RANBP3: variants seen among roughly 807,000 people sequenced by gnomAD.
The protein encoded by RANBP3 is ran-binding protein 3.
RANBP3 carries 14 observed loss-of-function variants against 77.3 expected under a neutral mutation model. The observed-to-expected ratio is 0.18, with a 90% CI of 0.12 to 0.28. The LOEUF (loss-of-function observed/expected upper bound fraction) is 0.28, where lower values mean the gene tolerates loss of function less well. RANBP3 is among the 10% of genes least tolerant of loss of function. The probability of loss-of-function intolerance (pLI) is 1.00; values close to 1 mark genes in which losing one functional copy is unlikely to be tolerated. For missense variants in RANBP3, 586 were observed against 752.3 expected (o/e 0.78, Z 2.59); for synonymous variants, 315 against 312.4 (o/e 1.01, Z -0.09).
chr19:5,945,038 G>C (rs572203322), intron 3 of RANBP3, among the ~76,000 whole-genome samples: 1 of 152,182 alleles, frequency 6.6e-6, no homozygotes, highest in African/African-American at 2.4e-5. Flanking sequence ...GAACCCCTTG[G>C]TGAGGTGACC....
chr19:5,950,159 G>A (rs759281984), intron 3 of RANBP3, among the ~76,000 whole-genome samples: 4 of 152,174 alleles, frequency 2.6e-5, no homozygotes, highest in East Asian at 1.9e-4. Flanking sequence ...AAAGAAGGAC[G>A]CAGCCACCTC....
At chr19:5,933,583 G>A (rs770710676) in intron 5 of RANBP3, 104 bp from the exon 6 acceptor site, 46 of 813,114 alleles carry the variant, frequency 5.7e-5, no homozygotes, top group Middle Eastern at 5.5e-4. Context: ...CAGTGACTTC[G>A]GGCCTGGAGA....
chr19:5,924,744 G>T lies in RANBP3; in HGVS notation c.996+83C>A. On this transcript the variant is annotated intron_variant, in intron 11 of 16. Coordinates refer to ENST00000340578, the MANE Select transcript of RANBP3 (RefSeq NM_007322.3). The surrounding 1 kb of genome is among the most constrained non-coding windows in gnomAD (Gnocchi z 4.7). ...CCATCTCACATAGGACGACACAGCA[G>T]CCCTGCTCTCCATGTCCCCTTGACC... is the stretch of plus-strand genomic sequence containing the variant. 2 of 1,358,758 alleles carry T rather than the reference G, an allele frequency of 1.5e-6. No individual in the cohort carries two copies. Among genetic ancestry groups the T allele is most frequent in the Non-Finnish European group, 1.1e-6 (1 of 949,984 alleles). The allele number at this position is 1,358,758 out of a possible 1,614,324, so 84.2% of individuals were successfully genotyped here.
intron 5 of RANBP3, among the ~76,000 whole-genome samples, chr19:5,938,629 T>C (rs902515839): frequency 3.3e-5 from 5 of 151,958 alleles, no homozygotes; most frequent in Non-Finnish European, 5.9e-5. Context: ...GAGGCAGAGG[T>C]TGCAGTGAGC....
chr19:5,943,131 A>G (rs2145147428), intron 3 of RANBP3, among the ~76,000 whole-genome samples: 1 of 152,324 alleles, frequency 6.6e-6, no homozygotes, highest in African/African-American at 2.4e-5. Context: ...CGCACCGATG[A>G]GTGAGGGCCG....
intron 1 of RANBP3, among the ~76,000 whole-genome samples, chr19:5,974,144 C>T (rs2058561307): frequency 6.6e-6 from 1 of 152,140 alleles, no homozygotes; most frequent in Admixed American, 6.5e-5. Context: ...AAGGATGCTA[C>T]CGTGCTGCTA....
intron 9 of RANBP3, among the ~76,000 whole-genome samples, chr19:5,926,283 G>A (rs566618455): frequency 1.4e-4 from 21 of 152,186 alleles, no homozygotes; most frequent in Admixed American, 6.5e-4. Flanking sequence ...GCGGTGGCTC[G>A]TGCCTGTAAT....
At chr19:5,966,222 T>C (rs1041180071) in intron 1 of RANBP3, among the ~76,000 whole-genome samples, 3 of 152,190 alleles carry the variant, frequency 2.0e-5, no homozygotes, top group East Asian at 1.9e-4. Context: ...TAAGCACCTA[T>C]GGAGGAGCAC....
chr19:5,937,552 A>T (rs2058082758), intron 5 of RANBP3, among the ~76,000 whole-genome samples: 1 of 152,210 alleles, frequency 6.6e-6, no homozygotes, highest in Admixed American at 6.5e-5. Flanking sequence ...AGCTGACTGG[A>T]GAAAGCTAAA....
At chr19:5,935,909 G>A (rs750191869) in intron 5 of RANBP3, 3 of 432,426 alleles carry the variant, frequency 6.9e-6, no homozygotes, top group Middle Eastern at 3.4e-4. Flanking sequence ...ATACCCAAAG[G>A]GTGTGGGCCT....
chr19:5,919,170 C>A (rs1019163130), intron 14 of RANBP3, among the ~76,000 whole-genome samples: 1 of 152,228 alleles, frequency 6.6e-6, no homozygotes, highest in Non-Finnish European at 1.5e-5. Context: ...AGGACCGCAG[C>A]TTAGCGCTTC....
chr19:5,967,168 G>A (rs778396976), intron 1 of RANBP3, among the ~76,000 whole-genome samples: 13 of 152,172 alleles, frequency 8.5e-5, no homozygotes, highest in Non-Finnish European at 1.8e-4. Flanking sequence ...TAGCATGCTC[G>A]GGTTCTCCAG....
chr19:5,957,829 C>T lies in RANBP3; in HGVS notation c.78+89G>A, dbSNP rs1599779484. On this transcript the variant is annotated intron_variant, in intron 2 of 16. Coordinates refer to ENST00000340578, the MANE Select transcript of RANBP3 (RefSeq NM_007322.3). Reference sequence around the variant, plus strand: ...CTCCCCGTCTGTGGGCAGAAGTGGCCTTGGCAATGCGACCTGGAAAAGAGA... The same window carrying T: ...CTCCCCGTCTGTGGGCAGAAGTGGCTTTGGCAATGCGACCTGGAAAAGAGA... 6.9e-6 allele frequency: 10 copies of T among 1,447,868 alleles called. No homozygotes were observed. The South Asian group carries it at 8.1e-5, about 12-fold the overall frequency. 89.7% of individuals were successfully genotyped at this position (1,447,868 alleles called of 1,614,324 possible).
chr19:5,926,465 C>T (rs867090253), intron 9 of RANBP3, among the ~76,000 whole-genome samples: 4 of 152,188 alleles, frequency 2.6e-5, no homozygotes, highest in African/African-American at 4.8e-5. Flanking sequence ...GCAGGAGAAT[C>T]GCTTGAACCC....
At chr19:5,976,410 T>C (rs993635551) in intron 1 of RANBP3, 1 of 151,998 alleles carries the variant, frequency 6.6e-6, no homozygotes, top group African/African-American at 2.4e-5. Flanking sequence ...ATCTCATGAG[T>C]TGGAATGCTG....
chr19:5,941,576 G>C (rs964537072), intron 5 of RANBP3, 45 bp downstream of exon 5: 1 of 1,519,594 alleles, frequency 6.6e-7, no homozygotes, highest in African/African-American at 1.4e-5. Flanking sequence ...TGGCGGGTTT[G>C]TAAGCATAAA....
Position 5,921,154 on chromosome 19 carries a change from C to A in RANBP3, c.1330+47G>T. 1 of 1,585,762 alleles carries A rather than the reference C, an allele frequency of 6.3e-7. No homozygotes were observed. The highest frequency in any genetic ancestry group is 8.6e-7 in the Non-Finnish European group (1 of 1,167,470). On this transcript the variant is annotated intron_variant, in intron 14 of 16. Coordinates refer to ENST00000340578, the MANE Select transcript of RANBP3 (RefSeq NM_007322.3). The surrounding 1 kb of genome is among the most constrained non-coding windows in gnomAD (Gnocchi z 5.3). ...CCCTTTGGAATTGCATAGTCCCCAGCCCTCCCCATGGGGACCCGGCCACAG... is the reference window on the plus strand; with the variant it reads ...CCCTTTGGAATTGCATAGTCCCCAGACCTCCCCATGGGGACCCGGCCACAG...
chr19:5,930,560 C>G (rs1171959287), intron 8 of RANBP3, among the ~76,000 whole-genome samples: 2 of 152,188 alleles, frequency 1.3e-5, no homozygotes, highest in African/African-American at 4.8e-5. Context: ...ACCATACCCC[C>G]GCTTAAATGG....
At position 5,932,523 on chromosome 19, in the gene RANBP3, T is replaced by A. The variant is rs977729376; in HGVS notation, c.494A>T (p.Lys165Met). 1.2e-6 allele frequency: 2 copies of A among 1,613,668 alleles called. No homozygotes were observed. The highest frequency in any genetic ancestry group is 1.7e-6 in the Non-Finnish European group (2 of 1,180,014). ...PSAGLPSQKP[K>M]EQQRSVLRPA... Reference sequence around the variant, plus strand: ...GCGAAGCACGCTCCGCTGCTGCTCCTTGGGCTTCTGGCTTGGCAGACCTAG... The same window carrying A: ...GCGAAGCACGCTCCGCTGCTGCTCCATGGGCTTCTGGCTTGGCAGACCTAG... Residue 165 changes from lysine (K) to methionine (M), a missense_variant, in exon 7 of 17, where the codon AAG becomes ATG. Physicochemically the swap from Lys to Met is moderately conservative, Grantham distance 95 (BLOSUM62 -1). Transcript: ENST00000340578.
Sources: gnomAD v4.1 joint callset for allele counts (sites outside exome capture counted in the v4.1 genomes callset) on GRCh38, gnomAD v4.1.1 for gene constraint, Gnocchi (gnomAD v3.1) non-coding constraint, MANE v1.5 for transcripts, NCBI Gene and HGNC (gene_info 2026-07-23, HGNC 2026-07-21) for gene names.